Variants in METTL8 observed in about 807,000 individuals in gnomAD.
The protein encoded by METTL8 is tRNA N(3)-cytidine methyltransferase METTL8, mitochondrial.
A neutral mutation model predicts 48.7 loss-of-function variants in METTL8; 32 were observed. The observed-to-expected ratio is 0.66, with a 90% confidence interval of 0.50 to 0.88. The LOEUF is 0.88. Among genes scored for constraint, METTL8 ranks in the 40% least tolerant of loss-of-function variants. The pLI, the probability that METTL8 is intolerant of heterozygous loss-of-function variation, is 0.00. For synonymous variants in METTL8, 136 were observed against 157.1 expected (o/e 0.87, Z 1.01); for missense variants, 464 against 474.4 (o/e 0.98, Z 0.20).
chr2:171,416,758 G>T (rs1430306974), intron 1 of METTL8, among the ~76,000 whole-genome samples: 1 of 152,236 alleles, frequency 6.6e-6, no homozygotes, highest in Non-Finnish European at 1.5e-5. Context: ...TTGTACAGAT[G>T]CAGGAGCTGA....
intron 2 of METTL8, among the ~76,000 whole-genome samples, chr2:171,373,683 T>C (rs185177182): frequency 3.5e-4 from 53 of 152,204 alleles, no homozygotes; most frequent in Non-Finnish European, 3.5e-4. Context: ...GGATCCAGTT[T>C]CAGCTTTCTA....
chr2:171,397,169 A>G (rs1689151310), intron 1 of METTL8, among the ~76,000 whole-genome samples: 1 of 151,828 alleles, frequency 6.6e-6, no homozygotes. Context: ...AATTAGACCC[A>G]AAGTAAGTAG....
intron 3 of METTL8, among the ~76,000 whole-genome samples, chr2:171,341,670 A>G (rs1686786638): frequency 1.3e-5 from 2 of 152,192 alleles, no homozygotes; most frequent in South Asian, 4.1e-4. Flanking sequence ...CTGTAGACGC[A>G]TGCCATTTTA....
At chr2:171,326,206 T>A in intron 7 of METTL8, 58 bp from the exon 8 acceptor site, 1 of 912,262 alleles carries the variant, frequency 1.1e-6, no homozygotes, top group Non-Finnish European at 1.7e-6. Flanking sequence ...TTTTATATGC[T>A]GGATTTAACT....
In METTL8 at chr2:171,323,216, G is replaced by GCTT; in HGVS notation, c.*953_*955dup. 1 of 143,438 alleles carries GCTT rather than the reference G, an allele frequency of 7.0e-6. No homozygotes were observed. Among genetic ancestry groups the GCTT allele is most frequent in the Admixed American group, 7.2e-5 (1 of 13,966 alleles). The allele number at this position is 143,438 out of a possible 1,614,324, so 8.9% of individuals were successfully genotyped here. A position where few individuals can be genotyped will look rare whatever the true frequency, so the allele number is the denominator to read the frequency against. On this transcript the variant is annotated 3_prime_UTR_variant, in exon 10 of 10. Transcript: ENST00000375258. ...AAGCCCTTGATACAAGAGCTTGTCA[G>GCTT]CTTACATACCTTTTTTTTTTTTTTT...
At chr2:171,358,807 G>A (rs1030705891) in intron 3 of METTL8, among the ~76,000 whole-genome samples, 5 of 152,048 alleles carry the variant, frequency 3.3e-5, no homozygotes, top group African/African-American at 1.2e-4. Context: ...CAACCAAAGC[G>A]AAAATAGAAA....
chr2:171,335,175 C>T (rs1014657462), intron 5 of METTL8, among the ~76,000 whole-genome samples: 6 of 152,126 alleles, frequency 3.9e-5, no homozygotes, highest in Non-Finnish European at 5.9e-5. Flanking sequence ...ACATTCAGAA[C>T]TGTAAATTTA....
chr2:171,430,511 T>C (rs1014969370), intron 1 of METTL8, among the ~76,000 whole-genome samples: 6 of 152,104 alleles, frequency 3.9e-5, no homozygotes, highest in African/African-American at 7.2e-5. Flanking sequence ...GTTCTACACA[T>C]GTACCCCAGA....
At chr2:171,381,642 GA>G (rs1211524854) in intron 2 of METTL8, among the ~76,000 whole-genome samples, 1 of 152,044 alleles carries the variant, frequency 6.6e-6, no homozygotes, top group Non-Finnish European at 1.5e-5. Flanking sequence ...ATAAACATAT[GA>G]AAAAAGGCTC....
intron 5 of METTL8, among the ~76,000 whole-genome samples, chr2:171,336,390 C>T (rs995506783): frequency 2.8e-5 from 4 of 143,402 alleles, no homozygotes; most frequent in Admixed American, 7.5e-5. Context: ...CCACCACGCC[C>T]GACTGCTTTT....
At chr2:171,341,791 TAAG>T (rs145627719) in intron 3 of METTL8, among the ~76,000 whole-genome samples, 15,311 of 151,020 alleles carry the variant, frequency 0.1, 995 homozygotes, top group Middle Eastern at 0.19. Flanking sequence ...CTCATTAAAA[TAAG>T]AAGAAAATAC....
At position 171,336,342 on chromosome 2, in the gene METTL8, G is replaced by A. The variant is rs1305977408; in HGVS notation, c.656+1111C>T. On this transcript the variant is annotated intron_variant, in intron 5 of 9. Coordinates refer to ENST00000375258, the MANE Select transcript of METTL8 (RefSeq NM_001321154.2). ...GAACTCCTGATCTCGTGATTTGCCC[G>A]CCTTGGCCTCCCAAAGTGCTGGGAT... Among the ~76,000 whole-genome samples, 7 of 147,234 alleles carry A rather than the reference G, an allele frequency of 4.8e-5. No homozygotes were observed. The South Asian group carries it at 6.4e-4, about 14-fold the overall frequency.
At chr2:171,432,629 G>C (rs779368643) in intron 1 of METTL8, among the ~76,000 whole-genome samples, 6 of 152,110 alleles carry the variant, frequency 3.9e-5, no homozygotes, top group Non-Finnish European at 8.8e-5. Flanking sequence ...AATATACAAA[G>C]CACTCTACCG....
chr2:171,324,479 C>G, intron 9 of METTL8, 117 bp from the exon 10 acceptor site: 2 of 932,566 alleles, frequency 2.1e-6, no homozygotes, highest in South Asian at 1.8e-5. Context: ...AAGAAACACT[C>G]TCTAGAACAA....
At chr2:171,425,287 G>A (rs1208520317) in intron 1 of METTL8, among the ~76,000 whole-genome samples, 1 of 152,100 alleles carries the variant, frequency 6.6e-6, no homozygotes, top group Non-Finnish European at 1.5e-5. Context: ...AAGTACCTAG[G>A]TATATACTCT....
At chr2:171,365,279 C>T (rs1359114360) in intron 2 of METTL8, among the ~76,000 whole-genome samples, 4 of 152,126 alleles carry the variant, frequency 2.6e-5, no homozygotes, top group Admixed American at 6.6e-5. Context: ...ATTTTAGTCC[C>T]GATAAGTTAA....
chr2:171,385,286 A>C (rs1227293996), intron 2 of METTL8, among the ~76,000 whole-genome samples: 2 of 151,704 alleles, frequency 1.3e-5, no homozygotes, highest in Non-Finnish European at 2.9e-5. Flanking sequence ...AAAATTAGCC[A>C]TTATAGTGCC....
intron 1 of METTL8, among the ~76,000 whole-genome samples, chr2:171,427,864 C>A (rs1311316030): frequency 6.6e-6 from 1 of 152,186 alleles, no homozygotes; most frequent in Non-Finnish European, 1.5e-5. Flanking sequence ...AAACTTTCCC[C>A]TGCACATTAT....
intron 2 of METTL8, among the ~76,000 whole-genome samples, chr2:171,368,833 T>G (rs1685991381): frequency 6.6e-6 from 1 of 150,856 alleles, no homozygotes; most frequent in Non-Finnish European, 1.5e-5. Flanking sequence ...GCCCAGGAGT[T>G]CACAGCCAGC....
Sources: gnomAD v4.1 joint callset for allele counts (sites outside exome capture counted in the v4.1 genomes callset) on GRCh38, gnomAD v4.1.1 for gene constraint, MANE v1.5 for transcripts, NCBI Gene and HGNC (gene_info 2026-07-23, HGNC 2026-07-21) for gene names.